Variants in DYNC2H1 observed in about 807,000 individuals in gnomAD.
DYNC2H1 encodes the protein cytoplasmic dynein 2 heavy chain 1.
In DYNC2H1, 410 loss-of-function variants were observed where a neutral mutation model predicts 570.0. That is an observed-to-expected ratio of 0.72 (90% confidence interval 0.66 to 0.78). The LOEUF (loss-of-function observed/expected upper bound fraction) is 0.78, where lower values mean the gene tolerates loss of function less well. Ranked by LOEUF, DYNC2H1 falls within the 30% of genes least tolerant of loss-of-function variation. The probability of loss-of-function intolerance (pLI) is 0.00; values close to 1 mark genes in which losing one functional copy is unlikely to be tolerated. For missense variants in DYNC2H1, 4,865 were observed against 5,046.4 expected, an observed-to-expected ratio of 0.96 and a Z score of 1.09; for synonymous variants, 1,688 against 1,677.6, an observed-to-expected ratio of 1.01 and a Z score of -0.15.
At chr11:103,217,952 C>T (rs749364372) in intron 55 of DYNC2H1, among the ~76,000 whole-genome samples, 4 of 152,104 alleles carry the variant, frequency 2.6e-5, no homozygotes, top group Non-Finnish European at 4.4e-5. Flanking sequence ...GGACAGTAAA[C>T]ACATGAAAAT....
intron 82 of DYNC2H1, among the ~76,000 whole-genome samples, chr11:103,342,778 T>C (rs313420): frequency 0.55 from 82,795 of 151,724 alleles, 24,273 homozygotes; most frequent in Admixed American, 0.66. Flanking sequence ...CCACTGCACC[T>C]GGCTGGGTCT....
At chr11:103,396,962 G>A (rs1942424728) in intron 83 of DYNC2H1, among the ~76,000 whole-genome samples, 1 of 152,086 alleles carries the variant, frequency 6.6e-6, no homozygotes, top group Non-Finnish European at 1.5e-5. Context: ...AATAGATATG[G>A]GGCACTGTAA....
chr11:103,447,301 C>G (rs1285884503), intron 85 of DYNC2H1, among the ~76,000 whole-genome samples: 1 of 151,958 alleles, frequency 6.6e-6, no homozygotes, highest in African/African-American at 2.4e-5. Flanking sequence ...GTAAGATTTC[C>G]TTTTTTAACA....
intron 84 of DYNC2H1, among the ~76,000 whole-genome samples, chr11:103,400,145 C>T (rs189952355): frequency 1.9e-3 from 287 of 152,292 alleles, no homozygotes; most frequent in African/African-American, 6.7e-3. Context: ...GTTGATTTCA[C>T]TTTGGGGCAG....
intron 87 of DYNC2H1, among the ~76,000 whole-genome samples, chr11:103,467,522 T>C (rs1258459665): frequency 2.7e-5 from 2 of 75,460 alleles, no homozygotes; most frequent in Non-Finnish European, 5.5e-5. Flanking sequence ...TTTTGTTTTG[T>C]TTTGTTTTGT....
At position 103,175,854 on chromosome 11, in the gene DYNC2H1, T is replaced by C. The variant is rs566516479; in HGVS notation, c.5675-381T>C. Among the ~76,000 whole-genome samples the C allele has an allele frequency of 3.9e-5, 6 of 152,326 alleles. No individual in the cohort carries two copies. In the East Asian group the frequency reaches 1.2e-3, roughly 29 times the overall value. The stretch of plus-strand genomic sequence containing the variant: ...AACCTTCAGAGACTTAACATTCTCA[T>C]GTGTAAAATTGGAATAACAATAGTA... On this transcript the variant is annotated intron_variant, in intron 36 of 88. Coordinates refer to ENST00000375735, the MANE Select transcript of DYNC2H1 (RefSeq NM_001377.3).
chr11:103,386,622 A>C (rs924968459), intron 83 of DYNC2H1, among the ~76,000 whole-genome samples: 10 of 151,980 alleles, frequency 6.6e-5, no homozygotes, highest in Admixed American at 5.2e-4. Context: ...GTAACGTTAG[A>C]TATATCTCCT....
At position 103,199,942 on chromosome 11, in the gene DYNC2H1, A is replaced by G; in HGVS notation, c.8089-104A>G. ...TTAAAATGGAAATAAATGAATAAAT[A>G]AACACATGATACTGGCATACTTTAC... On this transcript the variant is annotated intron_variant, in intron 49 of 88. Transcript: ENST00000375735. This position sits in a 1 kb window ranked among gnomAD's most constrained non-coding sequence, Gnocchi z 4.6. The G allele has an allele frequency of 1.4e-6, 1 of 715,170 alleles. No individual in the cohort carries two copies. 44.3% of individuals were successfully genotyped at this position (715,170 alleles called of 1,614,324 possible). A position where few individuals can be genotyped will look rare whatever the true frequency, so the allele number is the denominator to read the frequency against.
At chr11:103,231,227 G>A in intron 59 of DYNC2H1, 33 bp from the exon 60 acceptor site, 1 of 1,358,210 alleles carries the variant, frequency 7.4e-7, no homozygotes, top group Non-Finnish European at 1.0e-6. Context: ...ATCTAAAATA[G>A]AATGACTTGT....
intron 83 of DYNC2H1, among the ~76,000 whole-genome samples, chr11:103,389,264 T>C (rs2135600282): frequency 6.6e-6 from 1 of 152,354 alleles, no homozygotes; most frequent in Admixed American, 6.5e-5. Context: ...ATCCATTTCT[T>C]CTACATTTTC....
rs149978021 is a variant in DYNC2H1 at position 103,154,010 on chromosome 11, A to G, written c.3303-441A>G. 1.6e-4 allele frequency among the ~76,000 whole-genome samples: 25 copies of G among 152,018 alleles called. No individual in the cohort carries two copies. The East Asian group carries it at 4.6e-3, about 28-fold the overall frequency. On this transcript the variant is annotated intron_variant, in intron 22 of 88. Coordinates refer to ENST00000375735, the MANE Select transcript of DYNC2H1 (RefSeq NM_001377.3). ...GGAGTGAGTCAATTTTGTTACCATA[A>G]TTACTAAATGGCATTATACTGATTA...
At chr11:103,342,237 A>G (rs35879202) in intron 82 of DYNC2H1, among the ~76,000 whole-genome samples, 32,878 of 151,960 alleles carry the variant, frequency 0.22, 3,677 homozygotes, top group Admixed American at 0.31. Context: ...CTAGCTAGAG[A>G]TTGGTAAAAT....
chr11:103,403,658 G>C (rs7942960), intron 84 of DYNC2H1: 49,989 of 151,854 alleles, frequency 0.33, 8,400 homozygotes, highest in African/African-American at 0.4. Context: ...AATTGCATCT[G>C]TTTTGATGCC....
chr11:103,303,412 G>A (rs1867133807), intron 76 of DYNC2H1, among the ~76,000 whole-genome samples, 159 bp downstream of exon 76: 2 of 152,088 alleles, frequency 1.3e-5, no homozygotes, highest in South Asian at 4.1e-4. Context: ...TATTTTCCAT[G>A]GCAAAAGGAA....
intron 47 of DYNC2H1, among the ~76,000 whole-genome samples, chr11:103,196,065 T>A (rs1429976294): frequency 6.6e-6 from 1 of 152,158 alleles, no homozygotes; most frequent in Non-Finnish European, 1.5e-5. Context: ...GAAGCCAGAT[T>A]GTGGAGGGCC....
intron 83 of DYNC2H1, among the ~76,000 whole-genome samples, chr11:103,381,219 A>G (rs979503032): frequency 8.5e-5 from 13 of 152,186 alleles, no homozygotes; most frequent in Non-Finnish European, 1.5e-5. Flanking sequence ...TAAAGTAAGA[A>G]GAGTCAAAAC....
intron 14 of DYNC2H1, 65 bp from the exon 15 acceptor site, chr11:103,134,256 C>T: frequency 7.0e-7 from 1 of 1,426,110 alleles, no homozygotes; most frequent in East Asian, 2.3e-5. Context: ...TGTCAGGTTT[C>T]TCCACTGAAA....
chr11:103,175,159 G>A (rs74995026), intron 36 of DYNC2H1, among the ~76,000 whole-genome samples: 1 of 152,118 alleles, frequency 6.6e-6, no homozygotes, highest in Non-Finnish European at 1.5e-5. Flanking sequence ...TTCATGAAAG[G>A]CTGAATAATC....
intron 85 of DYNC2H1, among the ~76,000 whole-genome samples, chr11:103,440,776 AT>A (rs1468328809): frequency 1.3e-5 from 2 of 152,112 alleles, no homozygotes; most frequent in Admixed American, 1.3e-4. Flanking sequence ...TTTTGGAATC[AT>A]TGTTTACTTC....
Sources: allele counts gnomAD v4.1 joint callset (sites outside exome capture counted in the v4.1 genomes callset), GRCh38; gene constraint gnomAD v4.1.1; non-coding constraint Gnocchi (gnomAD v3.1); transcripts MANE v1.5; gene names NCBI Gene and HGNC (gene_info 2026-07-23, HGNC 2026-07-21).